USP6: variants seen among roughly 807,000 people sequenced by gnomAD.
USP6 encodes ubiquitin carboxyl-terminal hydrolase 6.
USP6 carries 128 observed loss-of-function variants against 175.7 expected under a neutral mutation model. That is an observed-to-expected ratio of 0.73 (90% CI 0.63 to 0.84). The LOEUF (loss-of-function observed/expected upper bound fraction) is 0.84. Among genes scored for constraint, USP6 ranks in the 40% least tolerant of loss-of-function variants. USP6 has a pLI of 0.00. For missense variants in USP6, 1,498 were observed against 1,760.3 expected, an observed-to-expected ratio of 0.85 and a Z score of 2.67; for synonymous variants, 562 against 630.6, an observed-to-expected ratio of 0.89 and a Z score of 1.63.
At position 5,117,997 on chromosome 17, in the gene USP6, AG is replaced by A. The variant is rs560297329; in HGVS notation, c.-1927-201del. On this transcript the variant is annotated intron_variant, in intron 1 of 37. Transcript: ENST00000574788. ...GGCAGGAGAATCACTTGAACCTGGG[AG>A]GCGGAGATTGAAGTGGGCCGAGATC... Among the ~76,000 whole-genome samples the A allele has an allele frequency of 7.5e-4, 113 of 150,918 alleles. 1 individual carries two copies. In the Middle Eastern group the frequency reaches 0.01, roughly 14 times the overall value.
At position 5,171,599 on chromosome 17, in the gene USP6, A is replaced by G; in HGVS notation, c.3967A>G (p.Ile1323Val). Residue 1323 changes from isoleucine (I) to valine (V), a missense_variant, in exon 37 of 38, where the codon ATT becomes GTT. By Grantham distance (29) the Ile-to-Val change is conservative (BLOSUM62 3). Transcript: ENST00000574788. ...TTATCTCTTACAGTGCCATTCAGGAATTCTGAGTGGGGGCCATTACATCAC... is the reference window on the plus strand; with the variant it reads ...TTATCTCTTACAGTGCCATTCAGGAGTTCTGAGTGGGGGCCATTACATCAC... ...NLYAISCHSG[I>V]LSGGHYITYA... 1 of 1,613,782 alleles carries G rather than the reference A, an allele frequency of 6.2e-7. No individual in the cohort carries two copies. The highest frequency in any genetic ancestry group is 8.5e-7 in the Non-Finnish European group (1 of 1,179,770).
chr17:5,141,071 C>A (rs1204815537), intron 22 of USP6, among the ~76,000 whole-genome samples: 1 of 152,108 alleles, frequency 6.6e-6, no homozygotes, highest in South Asian at 2.1e-4. Flanking sequence ...TGTACCTTTT[C>A]TATGTTCTAA....
At chr17:5,136,039 T>G in intron 17 of USP6, 111 bp downstream of exon 17, 1 of 1,555,838 alleles carries the variant, frequency 6.4e-7, no homozygotes, top group South Asian at 1.2e-5. Context: ...GCCAGCTTGT[T>G]GGGAGCATTT....
intron 14 of USP6, 29 bp downstream of exon 14, chr17:5,133,579 G>T: frequency 6.7e-7 from 1 of 1,501,984 alleles, no homozygotes; most frequent in South Asian, 1.1e-5. Flanking sequence ...CAACAAACAG[G>T]ACAGGCCGTG....
At chr17:5,138,767 G>A (rs949517764) in intron 21 of USP6, among the ~76,000 whole-genome samples, 4 of 152,160 alleles carry the variant, frequency 2.6e-5, no homozygotes, top group African/African-American at 9.7e-5. Context: ...GCGGGACCCC[G>A]GGCCCAGAGC....
In USP6 at chr17:5,141,455, A is replaced by C; in HGVS notation, c.1529A>C (p.Glu510Ala). Residue 510 changes from glutamate to alanine, a missense_variant, in exon 23 of 38, where the codon GAG becomes GCG. Glu to Ala is a moderately radical substitution (Grantham distance 107, BLOSUM62 -1). Transcript: ENST00000574788. ...VHNKDMSWPE[E>A]MSFTANSSKI... ...AACAAAGATATGAGTTGGCCTGAGG[A>C]GATGTCTTTTACAGCAAATAGTAGT... 4 of 1,609,474 alleles carry C rather than the reference A, an allele frequency of 2.5e-6. No individual in the cohort carries two copies. The highest frequency in any genetic ancestry group is 1.3e-5 in the African/African-American group (1 of 74,880).
In USP6 at chr17:5,132,894, A is replaced by G. The variant is rs376823314; in HGVS notation, c.196-16A>G. On this transcript the variant is annotated splice_polypyrimidine_tract_variant and intron_variant, in intron 12 of 37. Coordinates refer to ENST00000574788, the MANE Select transcript of USP6 (RefSeq NM_001304284.2). This position sits in a 1 kb window ranked among gnomAD's most constrained non-coding sequence, Gnocchi z 4.7. ...GCCTGGCAGCTCCACTAACTCCAAC[A>G]TGCCTCATTTGACAGAAAATTCGGC... 7.4e-6 allele frequency: 12 copies of G among 1,613,982 alleles called. No individual in the cohort carries two copies. The highest frequency in any genetic ancestry group is 9.3e-6 in the Non-Finnish European group (11 of 1,179,958).
rs367749316 is a variant in USP6 at position 5,137,163 on chromosome 17, C to G, written c.802C>G (p.Leu268Val). The G allele has an allele frequency of 2.3e-5, 37 of 1,613,346 alleles. No homozygotes were observed. The highest frequency in any genetic ancestry group is 2.9e-5 in the Non-Finnish European group (34 of 1,179,650). The change falls in exon 19 of 38, where the codon CTT becomes GTT. Residue 268 changes from leucine (L) to valine (V), a missense_variant. Physicochemically the swap from Leu to Val is conservative, Grantham distance 32. Transcript: ENST00000574788. ...LCGQCASLGC[L>V]LRNLIDGISL... The stretch of plus-strand genomic sequence containing the variant: ...CGGGCAGTGTGCCTCGTTAGGCTGC[C>G]TTCTCCGGAACCTGATTGACGGGGT...
At chr17:5,162,230 C>T (rs548401669) in intron 32 of USP6, among the ~76,000 whole-genome samples, 2 of 152,246 alleles carry the variant, frequency 1.3e-5, no homozygotes, top group East Asian at 3.9e-4. Context: ...TGGCTCACTG[C>T]AACCTCTGCC....
In USP6 at chr17:5,137,103, C is replaced by T. The variant is rs1392093557; in HGVS notation, c.760-18C>T. 1.2e-6 allele frequency: 2 copies of T among 1,613,356 alleles called. No individual in the cohort carries two copies. The highest frequency in any genetic ancestry group is 2.2e-5 in the East Asian group (1 of 44,858). Reference sequence around the variant, plus strand: ...GGGCAGCCCAGGGGGCCCTGAGCACCTCTGTTCATCCCATCAGGACAAGGA... The same window carrying T: ...GGGCAGCCCAGGGGGCCCTGAGCACTTCTGTTCATCCCATCAGGACAAGGA... On this transcript the variant is annotated intron_variant, in intron 18 of 37. Coordinates refer to ENST00000574788, the MANE Select transcript of USP6 (RefSeq NM_001304284.2).
At chr17:5,142,162 G>T in intron 24 of USP6, 21 bp downstream of exon 24, 1 of 1,607,016 alleles carries the variant, frequency 6.2e-7, no homozygotes, top group Non-Finnish European at 8.5e-7. Flanking sequence ...TTGAGTCACT[G>T]GCCTCTTAAC....
chr17:5,128,082 A>T (rs890935579), intron 7 of USP6, among the ~76,000 whole-genome samples: 28 of 152,190 alleles, frequency 1.8e-4, no homozygotes, highest in Admixed American at 1.6e-3. Flanking sequence ...GCCCTGTCTC[A>T]GGACTTGAGA....
intron 25 of USP6, among the ~76,000 whole-genome samples, chr17:5,143,132 A>G (rs1465662497): frequency 2.0e-5 from 3 of 151,964 alleles, no homozygotes; most frequent in Non-Finnish European, 4.4e-5. Flanking sequence ...GAGGGAGGTG[A>G]GGGGGTCAGC....
At chr17:5,140,386 CAT>C (rs1276512113) in intron 22 of USP6, among the ~76,000 whole-genome samples, 1 of 152,088 alleles carries the variant, frequency 6.6e-6, no homozygotes, top group East Asian at 1.9e-4. Flanking sequence ...GCCTGGGAAA[CAT>C]AGGTGGACCC....
At chr17:5,162,180 C>T (rs2074016985) in intron 32 of USP6, among the ~76,000 whole-genome samples, 1 of 152,084 alleles carries the variant, frequency 6.6e-6, no homozygotes, top group Non-Finnish European at 1.5e-5. Context: ...GAGATGGAGT[C>T]TCGCTGTGTC....
chr17:5,120,770 G>A lies in USP6; in HGVS notation c.-1693G>A. The A allele has an allele frequency of 2.2e-6, 1 of 445,916 alleles. No individual in the cohort carries two copies. Among genetic ancestry groups the A allele is most frequent in the South Asian group, 1.6e-5 (1 of 62,542 alleles). 27.6% of individuals were successfully genotyped at this position (445,916 alleles called of 1,614,324 possible). A position where few individuals can be genotyped will look rare whatever the true frequency, so the allele number is the denominator to read the frequency against. On this transcript the variant is annotated 5_prime_UTR_variant, in exon 3 of 38. Transcript: ENST00000574788. Reference sequence around the variant, plus strand: ...TGGAGAAGAGCTACAAGGATGCCAAGGGCTGTTTCTTCAGCATGGTGGGTG... The same window carrying A: ...TGGAGAAGAGCTACAAGGATGCCAAAGGCTGTTTCTTCAGCATGGTGGGTG...
rs540762051 is a variant in USP6 at position 5,129,955 on chromosome 17, G to A, written c.-136G>A. 1.2e-5 allele frequency: 3 copies of A among 242,924 alleles called. No homozygotes were observed. Among genetic ancestry groups the A allele is most frequent in the Admixed American group, 9.9e-5 (2 of 20,158 alleles). 15.0% of individuals were successfully genotyped at this position (242,924 alleles called of 1,614,324 possible). A position where few individuals can be genotyped will look rare whatever the true frequency, so the allele number is the denominator to read the frequency against. On this transcript the variant is annotated 5_prime_UTR_variant, in exon 9 of 38. An upstream open reading frame in the 5' UTR gains an earlier in-frame stop. Transcript: ENST00000574788. ...CCGTAGGAAACTGGGCATCTCTGTG[G>A]CCCTGAACATCCCAGGAGGCCGATC...
chr17:5,134,222 C>T lies in USP6; in HGVS notation c.494+226C>T, dbSNP rs1419823895. On this transcript the variant is annotated intron_variant, in intron 15 of 37. Transcript: ENST00000574788. ...AGAACCCAGGAGGATCCTGAGGAGA[C>T]AGAAAACAGCAAAGAAAATCACACG... 5 of 552,792 alleles carry T rather than the reference C, an allele frequency of 9.0e-6. No homozygotes were observed. In the East Asian group the frequency reaches 1.2e-4, roughly 14 times the overall value. The allele number at this position is 552,792 out of a possible 1,614,324, so 34.2% of individuals were successfully genotyped here.
intron 25 of USP6, among the ~76,000 whole-genome samples, chr17:5,144,093 C>T (rs2073536473): frequency 6.6e-6 from 1 of 152,112 alleles, no homozygotes; most frequent in South Asian, 2.1e-4. Flanking sequence ...AACAGCTACA[C>T]ATTTGACTAC....
Sources: allele counts gnomAD v4.1 joint callset (sites outside exome capture counted in the v4.1 genomes callset), GRCh38; gene constraint gnomAD v4.1.1; non-coding constraint Gnocchi (gnomAD v3.1); transcripts MANE v1.5; gene names NCBI Gene and HGNC (gene_info 2026-07-23, HGNC 2026-07-21).